Variants in ATG10 observed in about 807,000 individuals in gnomAD.
The protein encoded by ATG10 is autophagy related 10, also known as ubiquitin-like-conjugating enzyme ATG10.
Under a neutral mutation model 32.1 loss-of-function variants are expected in ATG10, and 30 were observed. The ratio of observed to expected loss-of-function variants is 0.94; its 90% CI spans 0.70 to 1.27. ATG10 has a LOEUF of 1.27. Among genes scored for constraint, ATG10 ranks in the 50% most tolerant of loss-of-function variants. The pLI is 0.00. For missense variants in ATG10, 233 were observed against 262.3 expected (o/e 0.89, Z 0.77); for synonymous variants, 87 against 91.5 (o/e 0.95, Z 0.28).
chr5:82,087,522 T>C (rs1262481421), intron 3 of ATG10, among the ~76,000 whole-genome samples: 2 of 152,186 alleles, frequency 1.3e-5, no homozygotes, highest in Non-Finnish European at 2.9e-5. Context: ...CTTTTCTGAC[T>C]GTGTATTTCT....
At position 82,202,179 on chromosome 5, in the gene ATG10, A is replaced by C. The variant is rs1013296557; in HGVS notation, c.453+23592A>C. On this transcript the variant is annotated intron_variant, in intron 5 of 7. Coordinates refer to ENST00000282185, the MANE Select transcript of ATG10 (RefSeq NM_031482.5). ...AATGATATGAGGGCCATGATGGTTAATTTTTTGTGTCAGTTGGCCAGGCTA... is the reference window on the plus strand; with the variant it reads ...AATGATATGAGGGCCATGATGGTTACTTTTTTGTGTCAGTTGGCCAGGCTA... Among the ~76,000 whole-genome samples, 88 of 152,164 alleles carry C rather than the reference A, an allele frequency of 5.8e-4. 1 individual carries two copies. The highest frequency in any genetic ancestry group is 3.2e-3 in the Middle Eastern group (1 of 316).
At chr5:82,149,949 C>T (rs1284379913) in intron 3 of ATG10, among the ~76,000 whole-genome samples, 7 of 152,100 alleles carry the variant, frequency 4.6e-5, no homozygotes, top group African/African-American at 1.7e-4. Flanking sequence ...TTTATGTTCA[C>T]TTTCTTGCAA....
intron 3 of ATG10, among the ~76,000 whole-genome samples, chr5:82,131,849 A>G (rs1027402336): frequency 3.3e-5 from 5 of 152,134 alleles, no homozygotes; most frequent in Non-Finnish European, 7.3e-5. Context: ...AGGCTGTACA[A>G]GAAGCATCCT....
chr5:82,233,239 C>A (rs897985881), intron 5 of ATG10, among the ~76,000 whole-genome samples: 1 of 152,146 alleles, frequency 6.6e-6, no homozygotes, highest in Non-Finnish European at 1.5e-5. Flanking sequence ...ACATTAGACA[C>A]CTATGTTATA....
intron 3 of ATG10, among the ~76,000 whole-genome samples, chr5:82,068,299 CAG>C (rs2149763890): frequency 6.6e-6 from 1 of 152,062 alleles, no homozygotes; most frequent in South Asian, 2.1e-4. Context: ...AACACAGAAA[CAG>C]AAAACCAAAC....
At chr5:82,189,315 A>G (rs1744570324) in intron 5 of ATG10, among the ~76,000 whole-genome samples, 1 of 152,252 alleles carries the variant, frequency 6.6e-6, no homozygotes, top group Non-Finnish European at 1.5e-5. Context: ...CCAATTAAAT[A>G]CATTGCTTTC....
At chr5:82,052,615 T>G (rs1248189148) in intron 2 of ATG10, among the ~76,000 whole-genome samples, 1 of 152,218 alleles carries the variant, frequency 6.6e-6, no homozygotes, top group Non-Finnish European at 1.5e-5. Context: ...TTTCTAACCC[T>G]TCTACTTTCC....
chr5:82,144,328 T>C (rs1204585811), intron 3 of ATG10, among the ~76,000 whole-genome samples: 1 of 152,106 alleles, frequency 6.6e-6, no homozygotes, highest in East Asian at 1.9e-4. Flanking sequence ...TTTTGTTGAT[T>C]TTGTGCTTAT....
chr5:82,056,438 T>G (rs995622929), intron 2 of ATG10, among the ~76,000 whole-genome samples: 1 of 151,088 alleles, frequency 6.6e-6, no homozygotes, highest in Non-Finnish European at 1.5e-5. Context: ...GGTTTTTTTT[T>G]TTTTTTTTTT....
rs563810082 is a variant in ATG10, at chr5:82,109,524, T to C, written c.216+50922T>C. The stretch of plus-strand genomic sequence containing the variant: ...AACTTATTTTTTAGTTTCCAAAAGC[T>C]GTATAATGCTCTTGTAAGCCTGATT... On this transcript the variant is annotated intron_variant, in intron 3 of 7. Transcript: ENST00000282185. Among the ~76,000 whole-genome samples, 19 of 152,124 alleles carry C rather than the reference T, an allele frequency of 1.2e-4. No homozygotes were observed. The East Asian group carries it at 3.1e-3, about 25-fold the overall frequency.
chr5:82,143,732 T>C (rs1767238164), intron 3 of ATG10, among the ~76,000 whole-genome samples: 1 of 152,254 alleles, frequency 6.6e-6, no homozygotes, highest in Non-Finnish European at 1.5e-5. Context: ...CTCTAGTTTT[T>C]TCTGCCAACA....
chr5:82,104,867 A>G (rs915120133), intron 3 of ATG10, among the ~76,000 whole-genome samples: 5 of 152,274 alleles, frequency 3.3e-5, no homozygotes, highest in Middle Eastern at 3.4e-3. Context: ...TCTAGAATAT[A>G]AAGTTATATT....
At chr5:82,210,076 A>T (rs1302924768) in intron 5 of ATG10, among the ~76,000 whole-genome samples, 2 of 152,218 alleles carry the variant, frequency 1.3e-5, no homozygotes, top group Non-Finnish European at 2.9e-5. Flanking sequence ...GAGCACATTA[A>T]TAGAAGTTTG....
At chr5:82,154,204 C>T (rs527322045) in intron 3 of ATG10, among the ~76,000 whole-genome samples, 2 of 152,094 alleles carry the variant, frequency 1.3e-5, no homozygotes, top group East Asian at 1.9e-4. Flanking sequence ...TAATGATGCA[C>T]TATTGGAACA....
chr5:82,072,637 A>G (rs937569863), intron 3 of ATG10, among the ~76,000 whole-genome samples: 6 of 152,212 alleles, frequency 3.9e-5, no homozygotes, highest in Admixed American at 3.9e-4. Flanking sequence ...ACATACATGC[A>G]TCTGCTCCAA....
intron 4 of ATG10, among the ~76,000 whole-genome samples, chr5:82,170,183 C>T (rs539063937): frequency 1.6e-4 from 24 of 152,120 alleles, no homozygotes; most frequent in Admixed American, 1.3e-4. Context: ...AACCTGTAAG[C>T]GACTGTATTT....
chr5:81,982,437 G>A (rs890649892), intron 1 of ATG10, among the ~76,000 whole-genome samples: 1 of 152,014 alleles, frequency 6.6e-6, no homozygotes, highest in African/African-American at 2.4e-5. Flanking sequence ...CTGCCTGGGC[G>A]ATTCCGTCTC....
At chr5:82,102,079 T>A (rs1487856822) in intron 3 of ATG10, among the ~76,000 whole-genome samples, 1 of 152,202 alleles carries the variant, frequency 6.6e-6, no homozygotes, top group Non-Finnish European at 1.5e-5. Context: ...CTTATGACTT[T>A]TATTATAGAA....
chr5:81,974,248 A>G (rs775139583), intron 1 of ATG10, among the ~76,000 whole-genome samples: 27 of 152,226 alleles, frequency 1.8e-4, no homozygotes, highest in Admixed American at 6.5e-5. Flanking sequence ...GTGATTATCT[A>G]TTGAAAACAA....
Sources: allele counts gnomAD v4.1 joint callset (sites outside exome capture counted in the v4.1 genomes callset), GRCh38; gene constraint gnomAD v4.1.1; transcripts MANE v1.5; gene names NCBI Gene and HGNC (gene_info 2026-07-23, HGNC 2026-07-21).